The following RIF1 variants were observed in gnomAD, a reference collection of about 807,000 sequenced individuals.
RIF1 encodes the protein telomere-associated protein RIF1.
Under a neutral mutation model 247.1 loss-of-function variants are expected in RIF1, and 45 were observed. The observed-to-expected ratio is 0.18, with a 90% CI of 0.14 to 0.23. The LOEUF (loss-of-function observed/expected upper bound fraction) is 0.23, where lower values mean the gene tolerates loss of function less well. RIF1 is among the 10% of genes least tolerant of loss of function. RIF1 has a pLI of 1.00. For synonymous variants in RIF1, 1,087 were observed against 978.8 expected (o/e 1.11, Z -2.06); for missense variants, 2,967 against 2,862.5 (o/e 1.04, Z -0.83).
At chr2:151,500,108 G>A (rs1174307517) in intron 11 of RIF1, among the ~76,000 whole-genome samples, 1 of 151,804 alleles carries the variant, frequency 6.6e-6, no homozygotes, top group Non-Finnish European at 1.5e-5. Flanking sequence ...CAACCCACAG[G>A]GAAAACAATG....
intron 21 of RIF1, among the ~76,000 whole-genome samples, chr2:151,452,594 C>G (rs982339526): frequency 6.6e-6 from 1 of 152,198 alleles, no homozygotes; most frequent in African/African-American, 2.4e-5. Flanking sequence ...GCATCCCGGC[C>G]TGAGTGCCGT....
intron 12 of RIF1, chr2:151,505,635 T>C: frequency 1.5e-6 from 2 of 1,342,996 alleles, no homozygotes; most frequent in Non-Finnish European, 2.1e-6. Flanking sequence ...CTTCCCAACA[T>C]GTACATGTTT....
At chr2:151,419,067 C>T (rs1338888215) in intron 6 of RIF1, among the ~76,000 whole-genome samples, 2 of 149,898 alleles carry the variant, frequency 1.3e-5, no homozygotes, top group Non-Finnish European at 3.0e-5. Flanking sequence ...ATTCTACTGT[C>T]TCCCACCTCC....
chr2:151,512,183 A>T (rs1310304893), downstream of RIF1, among the ~76,000 whole-genome samples: 1 of 151,686 alleles, frequency 6.6e-6, no homozygotes, highest in African/African-American at 2.4e-5. Context: ...GGTGCCTGCC[A>T]CCACGCCCGG....
At chr2:151,472,431 G>C (rs1218549050) in intron 34 of RIF1, among the ~76,000 whole-genome samples, 4 of 152,314 alleles carry the variant, frequency 2.6e-5, no homozygotes, top group East Asian at 3.9e-4. Flanking sequence ...GTGAGAGAGG[G>C]CATCCCTGTC....
At chr2:151,454,785 T>C (rs1694925849) in intron 21 of RIF1, 110 bp from the exon 22 acceptor site, 3 of 718,268 alleles carry the variant, frequency 4.2e-6, no homozygotes, top group Admixed American at 3.3e-5. Flanking sequence ...CAAACGGACA[T>C]GTATTTGATG....
At chr2:151,473,292 CTTTT>C (rs11305289) in intron 34 of RIF1, among the ~76,000 whole-genome samples, 4 of 125,916 alleles carry the variant, frequency 3.2e-5, no homozygotes, top group East Asian at 2.3e-4. Flanking sequence ...AAATTGTATC[CTTTT>C]TTTTTTTTTT....
Position 151,464,195 on chromosome 2 carries a change from G to T in RIF1, c.4675G>T (p.Ala1559Ser). 6.2e-7 allele frequency: 1 copy of T among 1,612,004 alleles called. No homozygotes were observed. The highest frequency in any genetic ancestry group is 8.5e-7 in the Non-Finnish European group (1 of 1,179,572). The change falls in exon 30 of 36, where the codon GCA becomes TCA. Residue 1559 changes from alanine to serine, a missense_variant. Coordinates refer to ENST00000444746, the MANE Select transcript of RIF1 (RefSeq NM_018151.5). ...AAACTCAGAATCTGATAGTTCGGAG[G>T]CAAAAGAAGAAGGTTCTAGGAAGAA... ...IENSESDSSE[A>S]KEEGSRKKRS...
intron 8 of RIF1, among the ~76,000 whole-genome samples, chr2:151,425,223 C>A (rs1047905645): frequency 6.6e-6 from 1 of 151,998 alleles, no homozygotes; most frequent in African/African-American, 2.4e-5. Flanking sequence ...TGTCTAAGTC[C>A]TTGGCCCATT....
At chr2:151,522,192 G>T in the RIF1 span, among the ~76,000 whole-genome samples, 4,581 of 152,238 alleles carry the variant, frequency 0.03, 90 homozygotes, top group South Asian at 0.058. Context: ...TGAAGTTTAA[G>T]ATCTAATTTT....
intron 6 of RIF1, among the ~76,000 whole-genome samples, chr2:151,417,590 G>A (rs1362387394): frequency 1.3e-5 from 2 of 152,166 alleles, no homozygotes; most frequent in Non-Finnish European, 2.9e-5. Context: ...TATTGAACAT[G>A]TACAGACTCT....
chr2:151,528,032 C>T, the RIF1 span, among the ~76,000 whole-genome samples: 2 of 152,074 alleles, frequency 1.3e-5, no homozygotes, highest in African/African-American at 4.8e-5. Flanking sequence ...ATTAATTCAC[C>T]TAATCTTCAT....
chr2:151,462,725 T>A (rs1696379830), intron 29 of RIF1, among the ~76,000 whole-genome samples, 159 bp from the exon 30 acceptor site: 1 of 152,188 alleles, frequency 6.6e-6, no homozygotes, highest in African/African-American at 2.4e-5. Flanking sequence ...CACAAACTGT[T>A]AGGTATCTAC....
chr2:151,428,664 T>C, intron 8 of RIF1, 120 bp from the exon 9 acceptor site: 6 of 725,614 alleles, frequency 8.3e-6, no homozygotes, highest in Non-Finnish European at 1.4e-5. Context: ...TTGTCTTTTG[T>C]CTCCCCATTA....
At chr2:151,473,395 A>T (rs1273525964) in intron 34 of RIF1, among the ~76,000 whole-genome samples, 1 of 150,718 alleles carries the variant, frequency 6.6e-6, no homozygotes, top group Non-Finnish European at 1.5e-5. Context: ...TCCTGGACTC[A>T]AGCAGTTCTC....
At chr2:151,492,668 C>T (rs1039171225) in intron 9 of RIF1, 33 of 413,612 alleles carry the variant, frequency 8.0e-5, no homozygotes, top group African/African-American at 4.9e-4. Flanking sequence ...CAGAAGGGCC[C>T]GCCAGTGGAA....
At chr2:151,434,437 A>ATTTTTTTTTTTTTTTTT (rs754795986) in intron 10 of RIF1, among the ~76,000 whole-genome samples, 2 of 107,034 alleles carry the variant, frequency 1.9e-5, no homozygotes, top group Non-Finnish European at 3.6e-5. Context: ...TGGTTTTTGA[A>ATTTTTTTTTTTTTTTTT]TTTTTTTTTT....
At chr2:151,449,522 G>A (rs1041305504) in intron 20 of RIF1, among the ~76,000 whole-genome samples, 3 of 151,966 alleles carry the variant, frequency 2.0e-5, no homozygotes, top group African/African-American at 7.2e-5. Context: ...CAGGCACCAT[G>A]CACACTACAG....
chr2:151,492,325 C>T (rs367610955), intron 9 of RIF1: 12 of 1,597,404 alleles, frequency 7.5e-6, no homozygotes, highest in Non-Finnish European at 1.0e-5. Context: ...GATGGTGTGA[C>T]TATATCCCTT....
Sources: gnomAD v4.1 joint callset for allele counts (sites outside exome capture counted in the v4.1 genomes callset) on GRCh38, gnomAD v4.1.1 for gene constraint, MANE v1.5 for transcripts, NCBI Gene and HGNC (gene_info 2026-07-23, HGNC 2026-07-21) for gene names.